DSCAM: variants seen among roughly 807,000 people sequenced by gnomAD.
DSCAM encodes cell adhesion molecule DSCAM.
Under a neutral mutation model 217.7 loss-of-function variants are expected in DSCAM, and 47 were observed. The ratio of observed to expected loss-of-function variants is 0.22; its 90% confidence interval spans 0.17 to 0.28. DSCAM has a LOEUF of 0.28. DSCAM is among the 10% of genes least tolerant of loss of function. The pLI is 1.00. For synonymous variants in DSCAM, 1,056 were observed against 1,015.3 expected, an observed-to-expected ratio of 1.04 and a Z score of -0.76; for missense variants, 2,080 against 2,618.3, an observed-to-expected ratio of 0.79 and a Z score of 4.49.
At chr21:40,639,379 T>C (rs2089849037) in intron 3 of DSCAM, among the ~76,000 whole-genome samples, 1 of 152,206 alleles carries the variant, frequency 6.6e-6, no homozygotes, top group South Asian at 2.1e-4. Context: ...TTTAAGATCA[T>C]GTGATACTTA....
intron 32 of DSCAM, among the ~76,000 whole-genome samples, chr21:40,020,546 A>G (rs867749416): frequency 2.0e-5 from 3 of 150,748 alleles, no homozygotes; most frequent in Non-Finnish European, 1.5e-5. Flanking sequence ...AGAGAGAGAG[A>G]GGAGAGAGAT....
intron 14 of DSCAM, among the ~76,000 whole-genome samples, chr21:40,182,764 TACCAGAGAAACCGTGGACAGGAGGGGGG>T (rs2090838471): frequency 7.7e-4 from 2 of 2,612 alleles, no homozygotes; most frequent in African/African-American, 1.2e-3. Flanking sequence ...CGGGGGGGGG[TACCAGAGAAACCGTGGACAGGAGGGGGG>T]TACCAGAGAA....
At chr21:40,162,987 T>A (rs1042686938) in intron 16 of DSCAM, among the ~76,000 whole-genome samples, 1 of 152,058 alleles carries the variant, frequency 6.6e-6, no homozygotes, top group Non-Finnish European at 1.5e-5. Flanking sequence ...TTAAATTGCA[T>A]TCTCTGGATA....
chr21:40,395,509 T>G (rs1268392434), intron 3 of DSCAM, among the ~76,000 whole-genome samples: 3 of 152,194 alleles, frequency 2.0e-5, no homozygotes, highest in Non-Finnish European at 2.9e-5. Flanking sequence ...TTAGTTACAA[T>G]TGACTTATGA....
chr21:40,189,291 T>C (rs910967680), intron 11 of DSCAM, 53 bp from the exon 12 acceptor site: 2 of 1,416,984 alleles, frequency 1.4e-6, no homozygotes, highest in African/African-American at 1.5e-5. Context: ...TTCTTGATTT[T>C]CCCTGGCAAA....
At position 40,411,833 on chromosome 21, in the gene DSCAM, A is replaced by G. The variant is rs2075325967; in HGVS notation, c.509-42588T>C. Among the ~76,000 whole-genome samples the G allele has an allele frequency of 2.0e-5, 3 of 152,198 alleles. No individual in the cohort carries two copies. In the South Asian group the frequency reaches 6.2e-4, roughly 31 times the overall value. Reference sequence around the variant, plus strand: ...ATTAAACACCTTAGACTAGTTTCTCATAAAACCACAAACTACCAATACTCA... The same window carrying G: ...ATTAAACACCTTAGACTAGTTTCTCGTAAAACCACAAACTACCAATACTCA... On this transcript the variant is annotated intron_variant, in intron 3 of 32. Transcript: ENST00000400454.
chr21:40,667,061 TCCCGAAGAAGCAGCAG>T (rs1428244471), intron 3 of DSCAM, among the ~76,000 whole-genome samples: 2 of 152,176 alleles, frequency 1.3e-5, no homozygotes, highest in Admixed American at 6.5e-5. Flanking sequence ...TGCCCCACTC[TCCCGAAGAAGCAGCAG>T]ACTTATCCAG....
At position 40,210,607 on chromosome 21, in the gene DSCAM, C is replaced by T. The variant is rs149010779; in HGVS notation, c.2357-21369G>A. 3.8e-3 allele frequency among the ~76,000 whole-genome samples: 583 copies of T among 152,328 alleles called. 3 individuals are homozygous for T. Among genetic ancestry groups the T allele is most frequent in the Non-Finnish European group, 3.8e-3 (258 of 68,028 alleles). On this transcript the variant is annotated intron_variant, in intron 11 of 32. Transcript: ENST00000400454. ...TCACCCAGGCTAGAGTGCAGTGGCA[C>T]GATCTTGGCTCACTGCAACCTCTGC...
intron 19 of DSCAM, among the ~76,000 whole-genome samples, chr21:40,127,517 T>C (rs1244749096): frequency 1.3e-5 from 2 of 152,208 alleles, no homozygotes; most frequent in African/African-American, 4.8e-5. Context: ...TTGATTGCAG[T>C]AAAGAATGTG....
intron 3 of DSCAM, among the ~76,000 whole-genome samples, chr21:40,403,631 A>ACG (rs2075257257): frequency 2.5e-5 from 1 of 39,920 alleles, no homozygotes; most frequent in African/African-American, 4.7e-5. Flanking sequence ...ATGCATGTGC[A>ACG]CACACACACA....
intron 32 of DSCAM, among the ~76,000 whole-genome samples, chr21:40,030,058 A>G (rs560414893): frequency 8.5e-5 from 13 of 152,310 alleles, no homozygotes; most frequent in Non-Finnish European, 1.3e-4. Flanking sequence ...GCATGGACAC[A>G]TATATGTTGA....
chr21:40,377,332 C>T (rs1033963310), intron 3 of DSCAM, among the ~76,000 whole-genome samples: 5 of 152,060 alleles, frequency 3.3e-5, no homozygotes, highest in Non-Finnish European at 7.4e-5. Flanking sequence ...GCAAATCGCT[C>T]CCCTGGGTTT....
At chr21:40,128,387 T>A (rs1230670371) in intron 19 of DSCAM, among the ~76,000 whole-genome samples, 2 of 151,922 alleles carry the variant, frequency 1.3e-5, no homozygotes, top group African/African-American at 4.8e-5. Context: ...TCTGTTACTA[T>A]GATGGACAGA....
intron 1 of DSCAM, among the ~76,000 whole-genome samples, chr21:40,738,979 G>A (rs2091094571): frequency 6.6e-6 from 1 of 152,152 alleles, no homozygotes; most frequent in Admixed American, 6.5e-5. Context: ...GGAAGAAGGG[G>A]GAGCATGAGT....
At chr21:40,696,255 C>T (rs145347375) in intron 2 of DSCAM, among the ~76,000 whole-genome samples, 77 of 151,992 alleles carry the variant, frequency 5.1e-4, no homozygotes, top group South Asian at 1.7e-3. Flanking sequence ...TCAGAGAGAA[C>T]GGGGATCAGA....
intron 3 of DSCAM, among the ~76,000 whole-genome samples, chr21:40,611,058 T>A (rs1049560615): frequency 1.2e-5 from 1 of 86,360 alleles, no homozygotes; most frequent in Non-Finnish European, 2.6e-5. Flanking sequence ...TAGTTTTCAA[T>A]TTTTTTTTTT....
At chr21:40,514,667 GCA>G (rs1245694214) in intron 3 of DSCAM, among the ~76,000 whole-genome samples, 2 of 152,078 alleles carry the variant, frequency 1.3e-5, no homozygotes, top group African/African-American at 4.8e-5. Flanking sequence ...TCTTTATGGG[GCA>G]TAATAGCATG....
intron 21 of DSCAM, among the ~76,000 whole-genome samples, chr21:40,089,091 T>C (rs1209075497): frequency 6.7e-6 from 1 of 149,000 alleles, no homozygotes; most frequent in Non-Finnish European, 1.5e-5. Flanking sequence ...ATGAATGCTT[T>C]TCCATTAGCA....
intron 11 of DSCAM, among the ~76,000 whole-genome samples, chr21:40,269,797 T>C (rs1353085265): frequency 6.6e-6 from 1 of 152,178 alleles, no homozygotes; most frequent in African/African-American, 2.4e-5. Context: ...ACACCAGTCA[T>C]ATTGGATTAG....
Sources: gnomAD v4.1 joint callset for allele counts (sites outside exome capture counted in the v4.1 genomes callset) on GRCh38, gnomAD v4.1.1 for gene constraint, MANE v1.5 for transcripts, NCBI Gene and HGNC (gene_info 2026-07-23, HGNC 2026-07-21) for gene names.